IQCE: variants seen among roughly 807,000 people sequenced by gnomAD.
IQCE encodes the protein IQ domain-containing protein E.
IQCE carries 115 observed loss-of-function variants against 96.0 expected under a neutral mutation model. The ratio of observed to expected loss-of-function variants is 1.20; its 90% confidence interval spans 1.03 to 1.40. IQCE has a LOEUF of 1.40. Ranked by LOEUF, IQCE falls within the 40% of genes most tolerant of loss-of-function variation. IQCE has a pLI of 0.00. For synonymous variants in IQCE, 412 were observed against 371.2 expected (o/e 1.11, Z -1.26); for missense variants, 1,041 against 909.1 (o/e 1.15, Z -1.87).
At chr7:2,579,221 G>A (rs1782459688) in intron 8 of IQCE, among the ~76,000 whole-genome samples, 1 of 152,136 alleles carries the variant, frequency 6.6e-6, no homozygotes, top group African/African-American at 2.4e-5. Flanking sequence ...AGCTGTAGGT[G>A]GCACAGTACA....
At chr7:2,582,686 G>A (rs754541800) in intron 9 of IQCE, 36 bp downstream of exon 9, 6 of 1,587,764 alleles carry the variant, frequency 3.8e-6, no homozygotes, top group South Asian at 1.1e-5. Context: ...CCTGCCTTCC[G>A]CCCCGTGTTC....
At chr7:2,605,047 A>G in intron 19 of IQCE, 56 bp downstream of exon 19, 2 of 1,241,504 alleles carry the variant, frequency 1.6e-6, no homozygotes, top group East Asian at 2.4e-5. Flanking sequence ...CTCGTCTCGC[A>G]CTCCATCCAT....
At chr7:2,583,791 GGGGCGGA>G (rs1327372047) in intron 10 of IQCE, 82 bp downstream of exon 10, 67 of 94,348 alleles carry the variant, frequency 7.1e-4, no homozygotes, top group East Asian at 2.9e-3. Context: ...GCTGGGCGGC[GGGGCGGA>G]GGGCGGGCAC....
intron 3 of IQCE, among the ~76,000 whole-genome samples, chr7:2,570,152 T>TCATC (rs992952318): frequency 2.6e-5 from 4 of 152,186 alleles, no homozygotes; most frequent in African/African-American, 9.7e-5. Context: ...CCGAGGCTTT[T>TCATC]CATCGTCCTG....
chr7:2,601,754 T>G, intron 18 of IQCE: 1 of 369,100 alleles, frequency 2.7e-6, no homozygotes, highest in Non-Finnish European at 5.0e-6. Flanking sequence ...TTCTCCGTGT[T>G]GGCCAGGATG....
chr7:2,596,833 G>C (rs940692383), intron 16 of IQCE: 2 of 401,050 alleles, frequency 5.0e-6, no homozygotes, highest in African/African-American at 4.1e-5. Flanking sequence ...GCTCTTCTTA[G>C]GGTTACAAAA....
In IQCE at chr7:2,594,905, AC is replaced by A. The variant is rs771147776; in HGVS notation, c.1371del (p.Ser458AlafsTer9). On this transcript the variant is annotated frameshift_variant, in exon 16 of 22. Transcript: ENST00000402050. LOFTEE classifies it high-confidence loss of function. ...CCTTAGAGAGGAGATTCAGACACTT[AC>A]CAGCAAGCTCCAAGAATTGCAAGAA... ...EVLREEIQTLTSKLQELQEMK... is the reference protein window; with the variant it reads ...EVLREEIQTLXSKLQELQEMK... The A allele has an allele frequency of 5.0e-6, 8 of 1,613,614 alleles. No individual in the cohort carries two copies. Among genetic ancestry groups the A allele is most frequent in the Non-Finnish European group, 6.8e-6 (8 of 1,179,504 alleles).
In IQCE at chr7:2,605,873, C is replaced by T; in HGVS notation, c.1744-3C>T. The T allele has an allele frequency of 6.3e-7, 1 of 1,592,842 alleles. No homozygotes were observed. Among genetic ancestry groups the T allele is most frequent in the Non-Finnish European group, 8.5e-7 (1 of 1,170,888 alleles). On this transcript the variant is annotated splice_region_variant and splice_polypyrimidine_tract_variant and intron_variant, in intron 19 of 21. Transcript: ENST00000402050. The stretch of plus-strand genomic sequence containing the variant: ...CGTCTTCCCTGCTGTCCTTGCACCC[C>T]AGAGCTCTCCTGTGCCCCGCGTTCC...
chr7:2,573,989 C>T (rs897799181), intron 6 of IQCE, among the ~76,000 whole-genome samples: 1 of 152,124 alleles, frequency 6.6e-6, no homozygotes, highest in Non-Finnish European at 1.5e-5. Flanking sequence ...CAAGGTTAAC[C>T]AGTAGCAGAA....
At chr7:2,571,022 A>ATTCTT (rs142187992) in intron 3 of IQCE, among the ~76,000 whole-genome samples, 17,867 of 152,000 alleles carry the variant, frequency 0.12, 1,369 homozygotes, top group Non-Finnish European at 0.16. Context: ...TATTCTTCCC[A>ATTCTT]TTCTTTTCTT....
intron 12 of IQCE, among the ~76,000 whole-genome samples, chr7:2,587,271 C>T (rs1316294335): frequency 2.0e-5 from 3 of 151,500 alleles, no homozygotes; most frequent in South Asian, 4.2e-4. Flanking sequence ...GGGGGCCAGG[C>T]AGTGGCTGTG....
chr7:2,559,354 C>A, intron 1 of IQCE, 137 bp downstream of exon 1: 1 of 394,140 alleles, frequency 2.5e-6, no homozygotes, highest in Non-Finnish European at 4.1e-6. Context: ...GTGACAGCTG[C>A]CATTATTGTT....
rs1052280753 is a variant in IQCE at position 2,611,373 on chromosome 7, C to T, written c.*1211C>T. 12 of 152,300 alleles carry T rather than the reference C, an allele frequency of 7.9e-5. No homozygotes were observed. The highest frequency in any genetic ancestry group is 5.2e-4 in the Admixed American group (8 of 15,282). 9.4% of individuals were successfully genotyped at this position (152,300 alleles called of 1,614,324 possible). A position where few individuals can be genotyped will look rare whatever the true frequency, so the allele number is the denominator to read the frequency against. ...ACAGCACCCCTGTGGGGACTCCTGC[C>T]GGGGCTGGCCGCTGTCTCAGGAGAG... On this transcript the variant is annotated 3_prime_UTR_variant, in exon 22 of 22. Coordinates refer to ENST00000402050, the MANE Select transcript of IQCE (RefSeq NM_152558.5).
chr7:2,562,876 C>A (rs1419343556), intron 1 of IQCE, among the ~76,000 whole-genome samples: 2 of 149,442 alleles, frequency 1.3e-5, no homozygotes, highest in Admixed American at 1.3e-4. Context: ...TTAATATAGG[C>A]ATTTACAGCT....
At chr7:2,605,337 T>C (rs939112357) in intron 19 of IQCE, among the ~76,000 whole-genome samples, 1 of 152,144 alleles carries the variant, frequency 6.6e-6, no homozygotes, top group African/African-American at 2.4e-5. Context: ...ATCCCTATAG[T>C]AGGCCGGGCG....
chr7:2,572,087 A>G (rs1781792528), intron 4 of IQCE, 105 bp from the exon 5 acceptor site: 6 of 1,233,526 alleles, frequency 4.9e-6, no homozygotes, highest in Admixed American at 2.2e-5. Flanking sequence ...GCTGGCGTCT[A>G]TCAGTGATTC....
At chr7:2,566,003 ATTAGCCTT>A (rs1781344605) in intron 1 of IQCE, among the ~76,000 whole-genome samples, 1 of 152,182 alleles carries the variant, frequency 6.6e-6, no homozygotes, top group Non-Finnish European at 1.5e-5. Flanking sequence ...TTCATGTACT[ATTAGCCTT>A]GTAGAAAATA....
chr7:2,578,575 TG>T, intron 8 of IQCE, 49 bp downstream of exon 8: 1 of 1,599,180 alleles, frequency 6.3e-7, no homozygotes, highest in Admixed American at 1.7e-5. Flanking sequence ...CGCTAGTTAC[TG>T]GGGACAGCCA....
chr7:2,560,325 C>CATGA (rs1780852087), intron 1 of IQCE, among the ~76,000 whole-genome samples: 1 of 152,236 alleles, frequency 6.6e-6, no homozygotes, highest in Non-Finnish European at 1.5e-5. Flanking sequence ...TATGGGGAGT[C>CATGA]CTGCTGGCCA....
Sources: gnomAD v4.1 joint callset for allele counts (sites outside exome capture counted in the v4.1 genomes callset) on GRCh38, gnomAD v4.1.1 for gene constraint, MANE v1.5 for transcripts, NCBI Gene and HGNC (gene_info 2026-07-23, HGNC 2026-07-21) for gene names.